Variants in NTM observed in about 807,000 individuals in gnomAD.
NTM encodes IgLON family member 2.
Under a neutral mutation model 42.1 loss-of-function variants are expected in NTM, and 13 were observed. That is an observed-to-expected ratio of 0.31 (90% confidence interval 0.20 to 0.49). NTM has a LOEUF of 0.49. Ranked by LOEUF, NTM falls within the 20% of genes least tolerant of loss-of-function variation. The pLI is 0.99. For missense variants in NTM, 373 were observed against 452.8 expected, an observed-to-expected ratio of 0.82 and a Z score of 1.60; for synonymous variants, 187 against 179.2, an observed-to-expected ratio of 1.04 and a Z score of -0.35.
intron 1 of NTM, among the ~76,000 whole-genome samples, chr11:131,445,358 C>A (rs537747671): frequency 6.6e-6 from 1 of 152,278 alleles, no homozygotes; most frequent in South Asian, 2.1e-4. Context: ...CATTGGTCAC[C>A]TTAGGAAGCA....
At chr11:132,207,015 T>C (rs1244422295) in intron 3 of NTM, among the ~76,000 whole-genome samples, 3 of 152,208 alleles carry the variant, frequency 2.0e-5, no homozygotes, top group Non-Finnish European at 4.4e-5. Flanking sequence ...GGTATATGTC[T>C]GCATGTCTTT....
intron 1 of NTM, among the ~76,000 whole-genome samples, chr11:131,503,860 T>G (rs444876): frequency 6.6e-6 from 1 of 152,072 alleles, no homozygotes; most frequent in African/African-American, 2.4e-5. Context: ...GCGTGTTTCT[T>G]TAATCCATTT....
At position 131,690,116 on chromosome 11, in the gene NTM, C is replaced by T. The variant is rs374177548; in HGVS notation, c.83-221448C>T. 1.1e-3 allele frequency among the ~76,000 whole-genome samples: 170 copies of T among 152,202 alleles called. 1 individual carries two copies. Among genetic ancestry groups the T allele is most frequent in the African/African-American group, 3.9e-3 (161 of 41,506 alleles). On this transcript the variant is annotated intron_variant, in intron 1 of 8. Coordinates refer to ENST00000683400, the MANE Select transcript of NTM (RefSeq NM_001352005.2). ...CCTCACACGTCTGTCCCTGAGCTCA[C>T]CTATTTGTGGAACTGGGTAGAGGAG... is the stretch of plus-strand genomic sequence containing the variant.
intron 1 of NTM, among the ~76,000 whole-genome samples, chr11:131,489,414 G>C (rs1954530626): frequency 6.6e-6 from 1 of 152,118 alleles, no homozygotes; most frequent in African/African-American, 2.4e-5. Context: ...ACCTCACCAA[G>C]GGTTCACTCT....
At chr11:131,761,706 G>T (rs1229112260) in intron 1 of NTM, among the ~76,000 whole-genome samples, 1 of 152,090 alleles carries the variant, frequency 6.6e-6, no homozygotes, top group Non-Finnish European at 1.5e-5. Context: ...CTACTCAGGT[G>T]GCTGGGGCAG....
intron 1 of NTM, among the ~76,000 whole-genome samples, chr11:131,392,684 T>C (rs185127151): frequency 2.8e-4 from 43 of 152,338 alleles, no homozygotes; most frequent in African/African-American, 9.9e-4. Context: ...CTCCCCAGTC[T>C]GGACGCCTGT....
At chr11:131,986,717 A>G (rs900488336) in intron 2 of NTM, among the ~76,000 whole-genome samples, 9 of 152,190 alleles carry the variant, frequency 5.9e-5, no homozygotes, top group Non-Finnish European at 4.4e-5. Flanking sequence ...TTAGGAATAT[A>G]ACCTCCATGA....
At chr11:131,503,675 A>ACT (rs143545352) in intron 1 of NTM, among the ~76,000 whole-genome samples, 11,810 of 149,190 alleles carry the variant, frequency 0.079, 519 homozygotes, top group South Asian at 0.17. Flanking sequence ...GGCACACTCC[A>ACT]CTATGCCTGG....
chr11:131,919,751 T>TATGC (rs1298727629), intron 2 of NTM, among the ~76,000 whole-genome samples: 1 of 151,706 alleles, frequency 6.6e-6, no homozygotes, highest in African/African-American at 2.4e-5. Flanking sequence ...AATATATATG[T>TATGC]ACATATGCAT....
At chr11:132,169,098 A>G (rs1375226466) in intron 3 of NTM, among the ~76,000 whole-genome samples, 3 of 152,074 alleles carry the variant, frequency 2.0e-5, no homozygotes, top group African/African-American at 4.8e-5. Context: ...GTCAAAGGTT[A>G]TAATCACACA....
chr11:131,798,365 A>C (rs1355353744), intron 1 of NTM, among the ~76,000 whole-genome samples: 2 of 152,146 alleles, frequency 1.3e-5, no homozygotes, highest in Non-Finnish European at 2.9e-5. Flanking sequence ...TCTAGGAAAG[A>C]GGGAAGATGG....
chr11:131,741,205 G>C (rs1460559551), intron 1 of NTM, among the ~76,000 whole-genome samples: 1 of 124,602 alleles, frequency 8.0e-6, no homozygotes, highest in African/African-American at 2.8e-5. Context: ...GAGAGAGAGA[G>C]AGATGTTTTT....
rs1375060286 is a variant in NTM at position 132,314,553 on chromosome 11, C to CTGAT, written c.788_791dup (p.Glu264AspfsTer2). On this transcript the variant is annotated frameshift_variant and splice_region_variant, in exon 7 of 9. Coordinates refer to ENST00000683400, the MANE Select transcript of NTM (RefSeq NM_001352005.2). LOFTEE classifies it high-confidence loss of function. ...TTTTTTGTCTTTTGTTTCTCTCAGA[C>CTGAT]TGATTGAAGGAAAGAAAGGGGTGAA... The CTGAT allele has an allele frequency of 6.8e-6, 11 of 1,610,680 alleles. No homozygotes were observed. The highest frequency in any genetic ancestry group is 2.7e-5 in the African/African-American group (2 of 74,950).
At chr11:131,464,363 G>GGT (rs907189559) in intron 1 of NTM, among the ~76,000 whole-genome samples, 7 of 152,018 alleles carry the variant, frequency 4.6e-5, no homozygotes, top group African/African-American at 1.7e-4. Flanking sequence ...GAAAGCTGGG[G>GGT]GGGGGGCAGC....
rs921138331 is a variant in NTM, at chr11:132,334,954, G to C, written c.968-92G>C. 1.4e-5 allele frequency: 22 copies of C among 1,547,126 alleles called. No homozygotes were observed. The African/African-American group carries it at 2.7e-4, about 19-fold the overall frequency. On this transcript the variant is annotated intron_variant, in intron 8 of 8. Transcript: ENST00000683400. Reference sequence around the variant, plus strand: ...TTCACTTAGAGGGATGACTCACCAGGGGCAAGGCCAAATGACAGCAGACCA... The same window carrying C: ...TTCACTTAGAGGGATGACTCACCAGCGGCAAGGCCAAATGACAGCAGACCA...
At chr11:131,554,669 G>A (rs559420602) in intron 1 of NTM, among the ~76,000 whole-genome samples, 281 of 152,186 alleles carry the variant, frequency 1.8e-3, no homozygotes, top group African/African-American at 6.5e-3. Context: ...TTCACAGGTG[G>A]GACGCAAAGG....
At chr11:132,092,283 G>C (rs931222910) in intron 2 of NTM, among the ~76,000 whole-genome samples, 1 of 152,178 alleles carries the variant, frequency 6.6e-6, no homozygotes, top group African/African-American at 2.4e-5. Context: ...ATTTATACTT[G>C]TTGTCGCTTC....
intron 1 of NTM, among the ~76,000 whole-genome samples, chr11:131,372,633 C>G (rs1941376668): frequency 1.3e-5 from 2 of 151,984 alleles, no homozygotes; most frequent in Non-Finnish European, 2.9e-5. Context: ...GGGAAGGTCC[C>G]AAGCCCTCAG....
chr11:132,016,745 T>C (rs1326829293), intron 2 of NTM, among the ~76,000 whole-genome samples: 2 of 151,988 alleles, frequency 1.3e-5, no homozygotes, highest in Admixed American at 6.6e-5. Flanking sequence ...GGTTGTAACA[T>C]TTTACATTTC....
Sources: gnomAD v4.1 joint callset for allele counts (sites outside exome capture counted in the v4.1 genomes callset) on GRCh38, gnomAD v4.1.1 for gene constraint, MANE v1.5 for transcripts, NCBI Gene and HGNC (gene_info 2026-07-23, HGNC 2026-07-21) for gene names.